The following EXOC6B variants were observed in gnomAD, a reference collection of about 807,000 sequenced individuals.
The protein encoded by EXOC6B is SEC15 homolog B.
EXOC6B carries 54 observed loss-of-function variants against 113.5 expected under a neutral mutation model. The observed-to-expected ratio is 0.48, with a 90% CI of 0.38 to 0.60. The LOEUF is 0.60. EXOC6B is among the 20% of genes least tolerant of loss of function. EXOC6B has a pLI of 0.00. For synonymous variants in EXOC6B, 357 were observed against 339.0 expected (o/e 1.05, Z -0.58); for missense variants, 797 against 977.5 (o/e 0.82, Z 2.46).
intron 6 of EXOC6B, among the ~76,000 whole-genome samples, chr2:72,690,961 C>A (rs1347071248): frequency 2.6e-5 from 4 of 152,052 alleles, no homozygotes; most frequent in Admixed American, 1.3e-4. Context: ...ATATGATTGG[C>A]ATATTTAAAA....
chr2:72,461,655 T>C (rs1047635821), intron 18 of EXOC6B: 1 of 152,038 alleles, frequency 6.6e-6, no homozygotes, highest in Admixed American at 6.6e-5. Flanking sequence ...TAGTTACATC[T>C]GAATATTATA....
At chr2:72,795,551 G>C (rs757247523) in intron 1 of EXOC6B, among the ~76,000 whole-genome samples, 13 of 151,980 alleles carry the variant, frequency 8.6e-5, no homozygotes, top group Non-Finnish European at 1.5e-4. Flanking sequence ...ACTCCAGCCT[G>C]GGCAGCAGAG....
intron 11 of EXOC6B, 66 bp downstream of exon 11, chr2:72,513,066 C>T: frequency 6.4e-7 from 1 of 1,561,526 alleles, no homozygotes; most frequent in Non-Finnish European, 8.7e-7. Flanking sequence ...GATTTTAAAG[C>T]AGTAAAACAC....
chr2:72,492,617 T>G (rs1699806759), intron 15 of EXOC6B, among the ~76,000 whole-genome samples, 188 bp from the exon 16 acceptor site: 1 of 152,008 alleles, frequency 6.6e-6, no homozygotes, highest in African/African-American at 2.4e-5. Flanking sequence ...AAAAAATAGT[T>G]TGCCTTCATT....
At chr2:72,610,207 A>G (rs1002474468) in intron 6 of EXOC6B, among the ~76,000 whole-genome samples, 2 of 152,204 alleles carry the variant, frequency 1.3e-5, no homozygotes, top group African/African-American at 4.8e-5. Context: ...AAACAGTCAA[A>G]CCATTTAAAA....
At chr2:72,263,221 G>A (rs1482043980) in intron 20 of EXOC6B, 1 of 152,212 alleles carries the variant, frequency 6.6e-6, no homozygotes, top group Non-Finnish European at 1.5e-5. Flanking sequence ...GCCAGTGTCA[G>A]ACCTGGTCTG....
chr2:72,224,815 TGTGTGC>T (rs1415583168), intron 20 of EXOC6B, among the ~76,000 whole-genome samples: 1 of 147,180 alleles, frequency 6.8e-6, no homozygotes, highest in African/African-American at 2.5e-5. Context: ...TGTGTGTGTG[TGTGTGC>T]GTGTGTGTAT....
At chr2:72,751,554 A>T (rs1317625790) in intron 1 of EXOC6B, among the ~76,000 whole-genome samples, 1 of 152,116 alleles carries the variant, frequency 6.6e-6, no homozygotes, top group Non-Finnish European at 1.5e-5. Context: ...GTCCATTGAG[A>T]TGGTGGGGGC....
chr2:72,559,124 C>G (rs1703743879), intron 8 of EXOC6B, among the ~76,000 whole-genome samples: 1 of 152,040 alleles, frequency 6.6e-6, no homozygotes, highest in Non-Finnish European at 1.5e-5. Flanking sequence ...AAAAAGTAAA[C>G]ATTTTCACAA....
At chr2:72,805,152 G>A (rs1039685579) in intron 1 of EXOC6B, among the ~76,000 whole-genome samples, 1 of 152,190 alleles carries the variant, frequency 6.6e-6, no homozygotes, top group Non-Finnish European at 1.5e-5. Context: ...TGCCTAGTTT[G>A]TCAAAGACTG....
intron 20 of EXOC6B, among the ~76,000 whole-genome samples, chr2:72,271,533 T>G (rs1007211000): frequency 3.4e-5 from 5 of 147,846 alleles, no homozygotes; most frequent in Non-Finnish European, 7.5e-5. Flanking sequence ...GGAAGGAAGG[T>G]AGGGAGGAAG....
At position 72,763,137 on chromosome 2, in the gene EXOC6B, G is replaced by GA. The variant is rs968097299; in HGVS notation, c.114-21669dup. On this transcript the variant is annotated intron_variant, in intron 1 of 21. Transcript: ENST00000272427. ...GAGAATATGAAATGAGAAATAAAGA[G>GA]AAAAAAAAAGATAAGACAAACAAAA... is the stretch of plus-strand genomic sequence containing the variant. Among the ~76,000 whole-genome samples, 64 of 147,992 alleles carry GA rather than the reference G, an allele frequency of 4.3e-4. No homozygotes were observed. In the East Asian group the frequency reaches 0.011, roughly 25 times the overall value.
chr2:72,458,676 GA>G (rs1163629078), intron 18 of EXOC6B, among the ~76,000 whole-genome samples: 3 of 152,096 alleles, frequency 2.0e-5, no homozygotes, highest in South Asian at 2.1e-4. Context: ...ATAAACAAAA[GA>G]GGGGGAAATA....
intron 6 of EXOC6B, among the ~76,000 whole-genome samples, chr2:72,627,097 C>A (rs948430909): frequency 1.3e-5 from 2 of 152,094 alleles, no homozygotes; most frequent in Admixed American, 6.6e-5. Flanking sequence ...AAGGAGAAGT[C>A]AATTTCTGAG....
chr2:72,252,566 T>C (rs1197177166), intron 20 of EXOC6B, among the ~76,000 whole-genome samples: 1 of 152,210 alleles, frequency 6.6e-6, no homozygotes, highest in Non-Finnish European at 1.5e-5. Context: ...GGTTCTACTA[T>C]AAACTTTGTG....
Position 72,606,616 on chromosome 2 carries a change from A to G in EXOC6B, c.670-30948T>C, listed in dbSNP as rs1040767813. Among the ~76,000 whole-genome samples the G allele has an allele frequency of 4.6e-5, 7 of 151,346 alleles. No homozygotes were observed. In the East Asian group the frequency reaches 1.2e-3, roughly 25 times the overall value. On this transcript the variant is annotated intron_variant, in intron 6 of 21. Coordinates refer to ENST00000272427, the MANE Select transcript of EXOC6B (RefSeq NM_015189.3). ...CACTTTCCAGAAATATAAATGCAGT[A>G]TATTCACTTTCTTTCTTTCTTTTTT...
At position 72,195,356 on chromosome 2, in the gene EXOC6B, T is replaced by C. The variant is rs368618907; in HGVS notation, c.2197-11169A>G. On this transcript the variant is annotated intron_variant, in intron 20 of 21. Coordinates refer to ENST00000272427, the MANE Select transcript of EXOC6B (RefSeq NM_015189.3). ...TTATCACACTGGCTGATAATAACCA[T>C]GTACACATACATGTTCAAGGGGAGG... 5.9e-5 allele frequency among the ~76,000 whole-genome samples: 9 copies of C among 152,284 alleles called. No homozygotes were observed. The East Asian group carries it at 1.2e-3, about 20-fold the overall frequency.
At chr2:72,772,106 G>A (rs776655071) in intron 1 of EXOC6B, among the ~76,000 whole-genome samples, 4 of 152,114 alleles carry the variant, frequency 2.6e-5, no homozygotes, top group Non-Finnish European at 4.4e-5. Context: ...TATGAAAGAC[G>A]GCTTCACATT....
rs557310768 is a variant in EXOC6B at position 72,737,343 on chromosome 2, CA to C, written c.279+3960del. 4.8e-3 allele frequency among the ~76,000 whole-genome samples: 705 copies of C among 147,726 alleles called. 8 individuals carry two copies. Among genetic ancestry groups the C allele is most frequent in the African/African-American group, 0.016 (656 of 40,064 alleles). On this transcript the variant is annotated intron_variant, in intron 2 of 21. Coordinates refer to ENST00000272427, the MANE Select transcript of EXOC6B (RefSeq NM_015189.3). ...TGGGCAACAGAGTGAGACTCTGCCT[CA>C]AAAAAAATTAAAAAAAAAAAAGTTC...
Sources: gnomAD v4.1 joint callset for allele counts (sites outside exome capture counted in the v4.1 genomes callset) on GRCh38, gnomAD v4.1.1 for gene constraint, MANE v1.5 for transcripts, NCBI Gene and HGNC (gene_info 2026-07-23, HGNC 2026-07-21) for gene names.